NAALADL2: variants seen among roughly 807,000 people sequenced by gnomAD.
NAALADL2 encodes inactive N-acetylated-alpha-linked acidic dipeptidase-like protein 2.
NAALADL2 carries 76 observed loss-of-function variants against 87.2 expected under a neutral mutation model. The ratio of observed to expected loss-of-function variants is 0.87; its 90% confidence interval spans 0.72 to 1.05. The LOEUF is 1.05. Among genes scored for constraint, NAALADL2 ranks in the 50% least tolerant of loss-of-function variants. The pLI is 0.00. For synonymous variants in NAALADL2, 354 were observed against 331.0 expected (o/e 1.07, Z -0.75); for missense variants, 1,089 against 945.8 (o/e 1.15, Z -1.99).
intron 13 of NAALADL2, among the ~76,000 whole-genome samples, chr3:175,768,651 AC>A (rs1749069634): frequency 6.6e-6 from 1 of 152,166 alleles, no homozygotes; most frequent in Non-Finnish European, 1.5e-5. Flanking sequence ...GGAATTTGAG[AC>A]CAGCATGGCT....
intron 2 of NAALADL2, among the ~76,000 whole-genome samples, chr3:174,675,030 G>A (rs1055176147): frequency 6.6e-6 from 1 of 152,024 alleles, no homozygotes; most frequent in African/African-American, 2.4e-5. Flanking sequence ...AAGATGTGAT[G>A]TAACTTTTGG....
At chr3:174,715,058 T>C (rs947303125) in intron 2 of NAALADL2, among the ~76,000 whole-genome samples, 3 of 152,290 alleles carry the variant, frequency 2.0e-5, no homozygotes, top group East Asian at 1.9e-4. Flanking sequence ...GAGATAATCA[T>C]GTGACAATTT....
At chr3:174,695,399 G>C (rs1012226810) in intron 2 of NAALADL2, among the ~76,000 whole-genome samples, 2 of 151,904 alleles carry the variant, frequency 1.3e-5, no homozygotes, top group Non-Finnish European at 2.9e-5. Context: ...TCTTTCTCCT[G>C]AACCATAGAC....
intron 1 of NAALADL2, among the ~76,000 whole-genome samples, chr3:174,992,867 G>A (rs377222922): frequency 1.3e-4 from 20 of 152,110 alleles, no homozygotes; most frequent in African/African-American, 4.8e-4. Context: ...ACACAGAACT[G>A]TGTGAATAAC....
chr3:174,759,703 C>CTT (rs11295292), intron 3 of NAALADL2, among the ~76,000 whole-genome samples: 4 of 145,504 alleles, frequency 2.7e-5, no homozygotes, highest in Admixed American at 6.9e-5. Flanking sequence ...ATACAAATCA[C>CTT]TTTTTTTTTT....
chr3:175,139,693 A>G (rs926286009), intron 2 of NAALADL2, among the ~76,000 whole-genome samples: 2 of 151,084 alleles, frequency 1.3e-5, no homozygotes, highest in South Asian at 4.2e-4. Context: ...TGAAACAAAG[A>G]GTAGGTGATT....
intron 1 of NAALADL2, among the ~76,000 whole-genome samples, chr3:174,513,341 C>T (rs2065337797): frequency 6.6e-6 from 1 of 152,128 alleles, no homozygotes; most frequent in African/African-American, 2.4e-5. Flanking sequence ...TTCTAAGTAT[C>T]TACTTCTCTT....
rs538282446 is a variant in NAALADL2 at position 174,991,741 on chromosome 3, T to C, written c.44-105049T>C. Among the ~76,000 whole-genome samples the C allele has an allele frequency of 3.9e-5, 6 of 152,214 alleles. No homozygotes were observed. The South Asian group carries it at 1.2e-3, about 32-fold the overall frequency. On this transcript the variant is annotated intron_variant, in intron 1 of 13. Transcript: ENST00000454872. ...AAGCCTTATTGTTCACTTGAGAGAA[T>C]AGGCATATAATGATCTTTACTATTA...
At chr3:174,538,467 A>C (rs1405589224) in intron 1 of NAALADL2, among the ~76,000 whole-genome samples, 5 of 152,168 alleles carry the variant, frequency 3.3e-5, no homozygotes, top group Non-Finnish European at 7.4e-5. Context: ...CTGGTCCTAA[A>C]AGAAATTGAA....
intron 2 of NAALADL2, among the ~76,000 whole-genome samples, chr3:174,553,533 GC>G (rs1712401056): frequency 6.6e-6 from 1 of 152,158 alleles, no homozygotes; most frequent in African/African-American, 2.4e-5. Flanking sequence ...TAATGTAAAT[GC>G]ATGTGCGTTC....
chr3:175,314,690 A>T (rs1407022708), intron 4 of NAALADL2, among the ~76,000 whole-genome samples: 7 of 51,458 alleles, frequency 1.4e-4, no homozygotes, highest in South Asian at 1.6e-3. Flanking sequence ...ATATATATAT[A>T]TATATATATA....
chr3:174,532,322 A>C (rs1442346600), intron 1 of NAALADL2, among the ~76,000 whole-genome samples: 1 of 152,146 alleles, frequency 6.6e-6, no homozygotes, highest in Non-Finnish European at 1.5e-5. Flanking sequence ...AGTGATCCCG[A>C]AATAAGGAGA....
intron 12 of NAALADL2, among the ~76,000 whole-genome samples, chr3:175,753,919 T>G (rs2150129871): frequency 6.6e-6 from 1 of 152,284 alleles, no homozygotes; most frequent in Non-Finnish European, 1.5e-5. Flanking sequence ...TCTACTTTCC[T>G]TCATTACCTT....
At chr3:174,946,680 A>T (rs757180164) in intron 1 of NAALADL2, among the ~76,000 whole-genome samples, 1 of 152,146 alleles carries the variant, frequency 6.6e-6, no homozygotes, top group Non-Finnish European at 1.5e-5. Context: ...GTGTATTATG[A>T]AGAAAGGAGG....
intron 11 of NAALADL2, among the ~76,000 whole-genome samples, chr3:175,683,943 A>G (rs1735939542): frequency 1.3e-5 from 2 of 152,110 alleles, no homozygotes; most frequent in Non-Finnish European, 2.9e-5. Flanking sequence ...AGAAAGTAGT[A>G]TGCAGTCTGG....
At chr3:175,578,891 C>G (rs531640287) in intron 10 of NAALADL2, among the ~76,000 whole-genome samples, 1 of 152,322 alleles carries the variant, frequency 6.6e-6, no homozygotes, top group East Asian at 1.9e-4. Context: ...TCCAAGAGTG[C>G]AGTTAAGAAG....
At chr3:175,027,796 G>A (rs1487155541) in intron 1 of NAALADL2, among the ~76,000 whole-genome samples, 1 of 151,922 alleles carries the variant, frequency 6.6e-6, no homozygotes, top group Non-Finnish European at 1.5e-5. Flanking sequence ...AGTGACCCAG[G>A]CCCATATTCA....
At chr3:175,124,707 C>T (rs1388820241) in intron 2 of NAALADL2, 3 of 151,928 alleles carry the variant, frequency 2.0e-5, no homozygotes, top group Admixed American at 1.3e-4. Flanking sequence ...AAGAAAAGTG[C>T]TTAAATTATT....
At chr3:175,620,803 C>T (rs1726112031) in intron 10 of NAALADL2, among the ~76,000 whole-genome samples, 11 of 152,164 alleles carry the variant, frequency 7.2e-5, no homozygotes, top group Admixed American at 7.2e-4. Context: ...GGTTCTTGTC[C>T]TGTGACCAAG....
Sources: allele counts gnomAD v4.1 joint callset (sites outside exome capture counted in the v4.1 genomes callset), GRCh38; gene constraint gnomAD v4.1.1; transcripts MANE v1.5; gene names NCBI Gene and HGNC (gene_info 2026-07-23, HGNC 2026-07-21).